Variants in NLRP12 observed in about 807,000 individuals in gnomAD.
The protein encoded by NLRP12 is NLR family pyrin domain containing 12, also known as NACHT, LRR and PYD domains-containing protein 12.
NLRP12 carries 108 observed loss-of-function variants against 91.2 expected under a neutral mutation model. The observed-to-expected ratio is 1.18, with a 90% confidence interval of 1.01 to 1.39. NLRP12 has a LOEUF of 1.39. Among genes scored for constraint, NLRP12 ranks in the 40% most tolerant of loss-of-function variants. The probability of loss-of-function intolerance (pLI) is 0.00; values close to 1 mark genes in which losing one functional copy is unlikely to be tolerated. For synonymous variants in NLRP12, 613 were observed against 566.7 expected (o/e 1.08, Z -1.16); for missense variants, 1,530 against 1,352.7 (o/e 1.13, Z -2.06).
chr19:53,820,327 C>T (rs991385037), intron 1 of NLRP12, among the ~76,000 whole-genome samples: 4 of 151,978 alleles, frequency 2.6e-5, no homozygotes, highest in Admixed American at 6.6e-5. Context: ...GTTAGGAGTT[C>T]GAGACCAGCC....
chr19:53,805,432 G>C lies in NLRP12; in HGVS notation c.2262C>G (p.Ile754Met). 6.2e-7 allele frequency: 1 copy of C among 1,614,012 alleles called. No homozygotes were observed. Among genetic ancestry groups the C allele is most frequent in the Non-Finnish European group, 8.5e-7 (1 of 1,179,980 alleles). The change falls in exon 5 of 10, where the codon ATC becomes ATG. Residue 754 changes from isoleucine to methionine, a missense_variant. Physicochemically the swap from Ile to Met is conservative, Grantham distance 10 (BLOSUM62 1). Coordinates refer to ENST00000324134, the MANE Select transcript of NLRP12 (RefSeq NM_144687.4). The stretch of plus-strand genomic sequence containing the variant: ...AGAGGTCCTCGCAGGCTGAGCTGGA[G>C]ATGCGGCACCTCTTCAGCCTGGGGT... ...LQNLRLKRCR[I>M]SSSACEDLSA...
chr19:53,813,894 G>C (rs1459367818), intron 2 of NLRP12, among the ~76,000 whole-genome samples: 1 of 149,894 alleles, frequency 6.7e-6, no homozygotes, highest in Admixed American at 6.7e-5. Context: ...ATGGGGTCTT[G>C]CTTGTTGCCC....
In NLRP12 at chr19:53,805,400, G is replaced by C; in HGVS notation, c.2294C>G (p.Ala765Gly). The C allele has an allele frequency of 1.9e-6, 3 of 1,614,112 alleles. No individual in the cohort carries two copies. Among genetic ancestry groups the C allele is most frequent in the Non-Finnish European group, 2.5e-6 (3 of 1,180,012 alleles). ...SSSACEDLSAALIANKNLTRM... is the reference protein window; with the variant it reads ...SSSACEDLSAGLIANKNLTRM... Reference sequence around the variant, plus strand: ...TGTCAAATTCTTATTGGCTATGAGAGCTGCAGAGAGGTCCTCGCAGGCTGA... The same window carrying C: ...TGTCAAATTCTTATTGGCTATGAGACCTGCAGAGAGGTCCTCGCAGGCTGA... The change falls in exon 5 of 10, where the codon GCT becomes GGT. Residue 765 changes from alanine to glycine, a missense_variant. By Grantham distance (60) the Ala-to-Gly change is moderately conservative. Transcript: ENST00000324134.
intron 6 of NLRP12, among the ~76,000 whole-genome samples, chr19:53,801,706 C>T (rs1039956466): frequency 2.6e-5 from 4 of 151,842 alleles, no homozygotes; most frequent in Non-Finnish European, 5.9e-5. Flanking sequence ...ATGCCTGCCT[C>T]AGCCTCCCAA....
rs104895566 is a variant in NLRP12 at position 53,810,316 on chromosome 19, C to T, written c.1343G>A (p.Gly448Glu). The change falls in exon 3 of 10, where the codon GGG becomes GAG. Residue 448 changes from glycine (G) to glutamate (E), a missense_variant. By Grantham distance (98) the Gly-to-Glu change is moderately conservative (BLOSUM62 -2). Coordinates refer to ENST00000324134, the MANE Select transcript of NLRP12 (RefSeq NM_144687.4). ...YLLSLMQPKP[G>E]APRLQPPPNQ... ...GGGTGGGGGCTGGAGGCGCGGGGCC[C>T]CCGGCTTGGGTTGCATCAGACTCAG... 3.7e-6 allele frequency: 6 copies of T among 1,613,554 alleles called. No homozygotes were observed. The African/African-American group carries it at 5.3e-5, about 14-fold the overall frequency.
intron 1 of NLRP12, 55 bp from the exon 2 acceptor site, chr19:53,815,043 G>T (rs2092136120): frequency 2.3e-6 from 3 of 1,312,962 alleles, no homozygotes; most frequent in Admixed American, 1.7e-5. Context: ...GTAGCACCGC[G>T]TCATATTAGC....
Position 53,814,989 on chromosome 19 carries a change from C to T in NLRP12, c.290-1G>A. ...GAGGACGGGCCACCAGGTGGGGTAT[C>T]TGGAAGAGAAATTGTGGAAGATGAG... On this transcript the variant is annotated splice_acceptor_variant, in intron 1 of 9. Coordinates refer to ENST00000324134, the MANE Select transcript of NLRP12 (RefSeq NM_144687.4). LOFTEE classifies it high-confidence loss of function. 2 of 1,612,854 alleles carry T rather than the reference C, an allele frequency of 1.2e-6. No homozygotes were observed. The highest frequency in any genetic ancestry group is 1.1e-5 in the South Asian group (1 of 91,072).
At chr19:53,823,394 A>AAATATATATTT (rs1194693707) in intron 1 of NLRP12, among the ~76,000 whole-genome samples, 8 of 122,324 alleles carry the variant, frequency 6.5e-5, no homozygotes, top group Admixed American at 4.1e-4. Flanking sequence ...TACATATTTT[A>AAATATATATTT]AATATATATT....
intron 2 of NLRP12, among the ~76,000 whole-genome samples, chr19:53,813,582 G>T (rs1310258758): frequency 3.3e-5 from 5 of 152,054 alleles, no homozygotes; most frequent in Non-Finnish European, 7.3e-5. Context: ...GATTACAGGC[G>T]TGAGCCACCA....
At chr19:53,797,741 ATTT>A (rs544319440) in intron 8 of NLRP12, among the ~76,000 whole-genome samples, 2 of 139,496 alleles carry the variant, frequency 1.4e-5, no homozygotes, top group East Asian at 2.2e-4. Context: ...TTAAATTTTA[ATTT>A]TTTTTTTTTT....
At chr19:53,818,318 C>G (rs893440133) in intron 1 of NLRP12, among the ~76,000 whole-genome samples, 3 of 152,070 alleles carry the variant, frequency 2.0e-5, no homozygotes, top group African/African-American at 7.2e-5. Flanking sequence ...AAGTGATCTG[C>G]CTGCCTCAGC....
intron 7 of NLRP12, among the ~76,000 whole-genome samples, chr19:53,800,515 G>A (rs1017768336): frequency 1.3e-5 from 2 of 152,020 alleles, no homozygotes; most frequent in African/African-American, 4.8e-5. Flanking sequence ...GCAAAGAGGG[G>A]ACAGAGAGCA....
chr19:53,824,359 T>C, upstream of NLRP12: 1 of 634,882 alleles, frequency 1.6e-6, no homozygotes, highest in South Asian at 1.8e-5. Context: ...GCTTTCTCAC[T>C]CTTCAGTTCC....
chr19:53,809,752 A>C lies in NLRP12; in HGVS notation c.1907T>G (p.Ile636Ser), dbSNP rs377343206. 3.1e-6 allele frequency: 5 copies of C among 1,613,962 alleles called. No individual in the cohort carries two copies. The highest frequency in any genetic ancestry group is 1.3e-5 in the African/African-American group (1 of 74,894). The part of the protein sequence containing the change: ...IQQALSHFQV[I>S]VVSNIASKME... ...CTTGGAGGCAATGTTGCTGACCACG[A>C]TCACCTGGAAGTGGCTCAGGGCCTG... Residue 636 changes from isoleucine to serine, a missense_variant, in exon 3 of 10, where the codon ATC becomes AGC. By Grantham distance (142) the Ile-to-Ser change is moderately radical. Transcript: ENST00000324134.
Position 53,803,185 on chromosome 19 carries a change from CT to C in NLRP12, c.2585+766del, listed in dbSNP as rs112504038. Among the ~76,000 whole-genome samples, 358 of 146,962 alleles carry C rather than the reference CT, an allele frequency of 2.4e-3. 2 individuals are homozygous for C. The highest frequency in any genetic ancestry group is 3.3e-3 in the Non-Finnish European group (221 of 66,178). ...TCATCACTGCTATCCATCTCTGGAA[CT>C]TTTTTTTTTTTTGAGACGGAGTTTC... On this transcript the variant is annotated intron_variant, in intron 6 of 9. Transcript: ENST00000324134.
At chr19:53,820,924 AG>A (rs1722552926) in intron 1 of NLRP12, among the ~76,000 whole-genome samples, 1 of 151,982 alleles carries the variant, frequency 6.6e-6, no homozygotes, top group South Asian at 2.1e-4. Flanking sequence ...CTGCCACTTC[AG>A]CAATAGCCTA....
rs760475376 is a variant in NLRP12 at position 53,810,020 on chromosome 19, C to G, written c.1639G>C (p.Glu547Gln). ...PDQDVTRLLT[E>Q]YAFSERSFLA... ...AAGCTCCTTTCAGAAAACGCGTACT[C>G]GGTCAACAGCCTGGTCACGTCCTGG... Residue 547 changes from glutamate (E) to glutamine (Q), a missense_variant, in exon 3 of 10, where the codon GAG (glutamate) becomes CAG (glutamine). Glu to Gln is a conservative substitution (Grantham distance 29, BLOSUM62 2). Coordinates refer to ENST00000324134, the MANE Select transcript of NLRP12 (RefSeq NM_144687.4). 1 of 1,614,128 alleles carries G rather than the reference C, an allele frequency of 6.2e-7. No individual in the cohort carries two copies. Among genetic ancestry groups the G allele is most frequent in the Non-Finnish European group, 8.5e-7 (1 of 1,180,032 alleles).
chr19:53,801,148 C>T (rs2091862554), intron 7 of NLRP12, 79 bp downstream of exon 7: 1 of 1,338,174 alleles, frequency 7.5e-7, no homozygotes, highest in South Asian at 1.2e-5. Flanking sequence ...GCAGAGACAA[C>T]CTGGCCTCCG....
intron 4 of NLRP12, 83 bp downstream of exon 4, chr19:53,807,412 C>A (rs2091977552): frequency 2.9e-6 from 4 of 1,377,634 alleles, no homozygotes; most frequent in East Asian, 4.9e-5. Context: ...AATACACCAT[C>A]CCGTGATAGA....
Sources: gnomAD v4.1 joint callset for allele counts (sites outside exome capture counted in the v4.1 genomes callset) on GRCh38, gnomAD v4.1.1 for gene constraint, MANE v1.5 for transcripts, NCBI Gene and HGNC (gene_info 2026-07-23, HGNC 2026-07-21) for gene names.